Variants in ORC2 observed in about 807,000 individuals in gnomAD.
The protein encoded by ORC2 is origin recognition complex protein 2 homolog.
Under a neutral mutation model 77.7 loss-of-function variants are expected in ORC2, and 37 were observed. The ratio of observed to expected loss-of-function variants is 0.48; its 90% CI spans 0.37 to 0.63. ORC2 has a LOEUF of 0.63. ORC2 is among the 20% of genes least tolerant of loss of function. The pLI is 0.00. For synonymous variants in ORC2, 201 were observed against 229.5 expected (o/e 0.88, Z 1.12); for missense variants, 557 against 661.9 (o/e 0.84, Z 1.74).
At chr2:200,929,013 T>G (rs991545907) in intron 11 of ORC2, among the ~76,000 whole-genome samples, 2 of 151,960 alleles carry the variant, frequency 1.3e-5, no homozygotes, top group Admixed American at 1.3e-4. Flanking sequence ...CAGGCTGGAG[T>G]GCAGTGGTGC....
At position 200,911,164 on chromosome 2, in the gene ORC2, A is replaced by G; in HGVS notation, c.*137T>C. The G allele has an allele frequency of 1.6e-6, 1 of 623,076 alleles. No homozygotes were observed. Among genetic ancestry groups the G allele is most frequent in the South Asian group, 1.9e-5 (1 of 53,062 alleles). 38.6% of individuals were successfully genotyped at this position (623,076 alleles called of 1,614,324 possible). On this transcript the variant is annotated 3_prime_UTR_variant, in exon 18 of 18. Transcript: ENST00000234296. ...TGATCAAAAAGTTCTAATTGAGGACATCCCCCCCTTCCCAAATTTAAATCT... is the reference window on the plus strand; with the variant it reads ...TGATCAAAAAGTTCTAATTGAGGACGTCCCCCCCTTCCCAAATTTAAATCT...
At position 200,963,504 on chromosome 2, in the gene ORC2, C is replaced by G. The variant is rs2041622139; in HGVS notation, c.-74G>C. 1.5e-5 allele frequency: 6 copies of G among 398,540 alleles called. No individual in the cohort carries two copies. In the Middle Eastern group the frequency reaches 1.9e-3, roughly 124 times the overall value. The allele number at this position is 398,540 out of a possible 1,614,324, so 24.7% of individuals were successfully genotyped here. A position where few individuals can be genotyped will look rare whatever the true frequency, so the allele number is the denominator to read the frequency against. On this transcript the variant is annotated 5_prime_UTR_variant, in exon 1 of 18. Transcript: ENST00000234296. ...CCACTACTCACCGCTAGGTTTCCGTCTGGCGCCGATCCGGCTGCGTCACGC... is the reference window on the plus strand; with the variant it reads ...CCACTACTCACCGCTAGGTTTCCGTGTGGCGCCGATCCGGCTGCGTCACGC...
intron 15 of ORC2, among the ~76,000 whole-genome samples, chr2:200,914,448 G>A (rs2040606385): frequency 6.6e-6 from 1 of 152,156 alleles, no homozygotes; most frequent in Non-Finnish European, 1.5e-5. Flanking sequence ...TTACAGGCGT[G>A]AGCCACTGTA....
In ORC2 at chr2:200,928,122, G is replaced by A. The variant is rs555516314; in HGVS notation, c.918-1222C>T. On this transcript the variant is annotated intron_variant, in intron 11 of 17. Coordinates refer to ENST00000234296, the MANE Select transcript of ORC2 (RefSeq NM_006190.5). ...TGTAATCCCAGCACTTTGGGAGGTC[G>A]AGGCAGGTGGATCACATGAGGCCAG... 2.4e-3 allele frequency among the ~76,000 whole-genome samples: 369 copies of A among 152,120 alleles called. 3 individuals are homozygous for A. The highest frequency in any genetic ancestry group is 8.6e-3 in the African/African-American group (355 of 41,508).
chr2:200,953,759 G>A (rs2041409680), intron 4 of ORC2, among the ~76,000 whole-genome samples: 1 of 152,188 alleles, frequency 6.6e-6, no homozygotes, highest in Non-Finnish European at 1.5e-5. Context: ...GTTACAAATG[G>A]TGTGAATGTA....
chr2:200,957,392 C>G lies in ORC2; in HGVS notation c.238+9G>C. On this transcript the variant is annotated intron_variant, in intron 4 of 17. Transcript: ENST00000234296. ...CAGAAACGAGTGTATATTTCACCCC[C>G]TCAAATACCTTGAACATCTCTTCCC... is the stretch of plus-strand genomic sequence containing the variant. 6.4e-7 allele frequency: 1 copy of G among 1,562,276 alleles called. No homozygotes were observed. The highest frequency in any genetic ancestry group is 8.7e-7 in the Non-Finnish European group (1 of 1,155,366).
At chr2:200,939,205 CAG>C (rs1459716807) in intron 7 of ORC2, among the ~76,000 whole-genome samples, 1 of 151,950 alleles carries the variant, frequency 6.6e-6, no homozygotes, top group Non-Finnish European at 1.5e-5. Context: ...AATTATAAAA[CAG>C]AAATTTAAAA....
intron 6 of ORC2, 101 bp from the exon 7 acceptor site, chr2:200,941,380 C>T (rs1002595258): frequency 1.7e-5 from 17 of 1,023,748 alleles, no homozygotes; most frequent in Middle Eastern, 2.1e-4. Context: ...TGGTGGCTCA[C>T]ATCTGTAATC....
In ORC2 at chr2:200,961,304, C is replaced by T. The variant is rs543053848; in HGVS notation, c.-59-1864G>A. ...CCTCCTGAACAGGTGGGACTACAGG[C>T]GTGCAATGCCAAGCCTTGCTAATTT... is the stretch of plus-strand genomic sequence containing the variant. On this transcript the variant is annotated intron_variant, in intron 1 of 17. Coordinates refer to ENST00000234296, the MANE Select transcript of ORC2 (RefSeq NM_006190.5). Among the ~76,000 whole-genome samples, 4 of 152,098 alleles carry T rather than the reference C, an allele frequency of 2.6e-5. No individual in the cohort carries two copies. The East Asian group carries it at 5.8e-4, about 22-fold the overall frequency.
chr2:200,935,592 A>C, intron 9 of ORC2, 107 bp downstream of exon 9: 3 of 802,234 alleles, frequency 3.7e-6, no homozygotes, highest in African/African-American at 1.8e-5. Flanking sequence ...AAATATAGAA[A>C]AGTGAAGAAA....
intron 9 of ORC2, among the ~76,000 whole-genome samples, chr2:200,934,488 A>T (rs1306416663): frequency 6.6e-6 from 1 of 151,058 alleles, no homozygotes; most frequent in African/African-American, 2.4e-5. Flanking sequence ...CTAATTTTTT[A>T]AATTGTTTTT....
intron 4 of ORC2, among the ~76,000 whole-genome samples, chr2:200,956,535 G>A (rs1250836565): frequency 6.6e-6 from 1 of 151,490 alleles, no homozygotes; most frequent in African/African-American, 2.4e-5. Flanking sequence ...TTACTATGTT[G>A]CCTAGGATGG....
rs1575194756 is a variant in ORC2, at chr2:200,963,480, C to A, written c.-60+10G>T. 1.8e-5 allele frequency: 7 copies of A among 398,578 alleles called. No homozygotes were observed. In the East Asian group the frequency reaches 2.1e-4, roughly 12 times the overall value. The allele number at this position is 398,578 out of a possible 1,614,324, so 24.7% of individuals were successfully genotyped here. A position where few individuals can be genotyped will look rare whatever the true frequency, so the allele number is the denominator to read the frequency against. On this transcript the variant is annotated intron_variant, in intron 1 of 17. Transcript: ENST00000234296. Reference sequence around the variant, plus strand: ...AGGGAGGCAGGCTGCCCCGACACCCCACTACTCACCGCTAGGTTTCCGTCT... The same window carrying A: ...AGGGAGGCAGGCTGCCCCGACACCCAACTACTCACCGCTAGGTTTCCGTCT...
At chr2:200,933,662 G>T (rs905343779) in intron 10 of ORC2, among the ~76,000 whole-genome samples, 1 of 151,942 alleles carries the variant, frequency 6.6e-6, no homozygotes, top group Non-Finnish European at 1.5e-5. Context: ...TCCTCCCTTG[G>T]CCTCCCAAGG....
Position 200,913,930 on chromosome 2 carries a change from C to A in ORC2, c.1528+1G>T. On this transcript the variant is annotated splice_donor_variant, in intron 16 of 17. Transcript: ENST00000234296. LOFTEE classifies it high-confidence loss of function. ...AATTGAATGTCATAAATATTGGATA[C>A]CAATGTAAGAAGGGTTATCCTGGTT... 6.3e-7 allele frequency: 1 copy of A among 1,582,144 alleles called. No homozygotes were observed. Among genetic ancestry groups the A allele is most frequent in the Non-Finnish European group, 8.5e-7 (1 of 1,169,916 alleles).
chr2:200,954,895 TG>T (rs1257106363), intron 4 of ORC2, among the ~76,000 whole-genome samples: 7 of 134,048 alleles, frequency 5.2e-5, no homozygotes, highest in Non-Finnish European at 9.7e-5. Context: ...AATGAATGAA[TG>T]AATGAATGAA....
chr2:200,928,831 A>C (rs954476767), intron 11 of ORC2, among the ~76,000 whole-genome samples: 27 of 151,964 alleles, frequency 1.8e-4, no homozygotes, highest in Admixed American at 8.5e-4. Flanking sequence ...AAAACAACAA[A>C]AAAAAAGTCC....
At chr2:200,941,744 T>C (rs1009627086) in intron 6 of ORC2, among the ~76,000 whole-genome samples, 3 of 152,176 alleles carry the variant, frequency 2.0e-5, no homozygotes, top group Non-Finnish European at 2.9e-5. Context: ...CCCAGCACTT[T>C]GGGAGGCCAA....
At position 200,933,862 on chromosome 2, in the gene ORC2, T is replaced by C; in HGVS notation, c.807+14A>G. ...AGTAAAAAAAATTTAGAAGTAACAT[T>C]CCTTGTAACATACCTGATCCAGTTT... On this transcript the variant is annotated intron_variant, in intron 10 of 17. Coordinates refer to ENST00000234296, the MANE Select transcript of ORC2 (RefSeq NM_006190.5). 6.6e-7 allele frequency: 1 copy of C among 1,519,644 alleles called. No homozygotes were observed. The highest frequency in any genetic ancestry group is 9.0e-7 in the Non-Finnish European group (1 of 1,109,786). 94.1% of individuals were successfully genotyped at this position (1,519,644 alleles called of 1,614,324 possible).
Sources: allele counts gnomAD v4.1 joint callset (sites outside exome capture counted in the v4.1 genomes callset), GRCh38; gene constraint gnomAD v4.1.1; transcripts MANE v1.5; gene names NCBI Gene and HGNC (gene_info 2026-07-23, HGNC 2026-07-21).